Variants in FANCC observed in about 807,000 individuals in gnomAD.
FANCC encodes Fanconi anemia group C protein.
In FANCC, 55 loss-of-function variants were observed where a neutral mutation model predicts 71.3. The observed-to-expected ratio is 0.77, with a 90% CI of 0.62 to 0.97. The LOEUF (loss-of-function observed/expected upper bound fraction) is 0.97. FANCC is among the 50% of genes least tolerant of loss of function. The probability of loss-of-function intolerance (pLI) is 0.00; values close to 1 mark genes in which losing one functional copy is unlikely to be tolerated. For synonymous variants in FANCC, 275 were observed against 244.9 expected (o/e 1.12, Z -1.15); for missense variants, 678 against 670.9 (o/e 1.01, Z -0.12).
intron 4 of FANCC, among the ~76,000 whole-genome samples, chr9:95,222,749 T>C (rs1829360442): frequency 6.6e-6 from 1 of 152,232 alleles, no homozygotes; most frequent in Non-Finnish European, 1.5e-5. Flanking sequence ...AAAAGCCCAC[T>C]TATGATTCCA....
chr9:95,167,137 T>C (rs1265129720), intron 6 of FANCC, among the ~76,000 whole-genome samples: 2 of 152,172 alleles, frequency 1.3e-5, no homozygotes, highest in African/African-American at 4.8e-5. Flanking sequence ...GAATGTATCA[T>C]CCCACTCCTT....
chr9:95,144,253 A>T (rs1829205737), intron 7 of FANCC, among the ~76,000 whole-genome samples: 1 of 152,336 alleles, frequency 6.6e-6, no homozygotes, highest in South Asian at 2.1e-4. Flanking sequence ...TCCAGCTCTT[A>T]CGCCACTGCT....
chr9:95,280,429 T>TAA (rs1305156268), intron 1 of FANCC, among the ~76,000 whole-genome samples: 1 of 152,208 alleles, frequency 6.6e-6, no homozygotes, highest in Non-Finnish European at 1.5e-5. Context: ...CAACTAGATC[T>TAA]AACTTACATC....
intron 4 of FANCC, among the ~76,000 whole-genome samples, chr9:95,192,289 C>T (rs1827162903): frequency 6.6e-6 from 1 of 152,270 alleles, no homozygotes; most frequent in Non-Finnish European, 1.5e-5. Context: ...GTCACCTTCA[C>T]TTGTTCCCAG....
chr9:95,117,015 G>C (rs1564655198), intron 11 of FANCC, among the ~76,000 whole-genome samples: 1 of 152,230 alleles, frequency 6.6e-6, no homozygotes. Context: ...CTGGCATCTG[G>C]TGGATCTGGT....
intron 4 of FANCC, among the ~76,000 whole-genome samples, chr9:95,203,174 A>C (rs1827902290): frequency 6.6e-6 from 1 of 152,098 alleles, no homozygotes; most frequent in Non-Finnish European, 1.5e-5. Flanking sequence ...AAGTGGGCAG[A>C]TCACTTGAGC....
intron 6 of FANCC, among the ~76,000 whole-genome samples, chr9:95,165,300 G>A (rs1831003262): frequency 6.6e-6 from 1 of 150,866 alleles, no homozygotes; most frequent in Non-Finnish European, 1.5e-5. Flanking sequence ...TTTAGGTTTA[G>A]TTTGTTCTTT....
chr9:95,285,333 C>A (rs980668334), intron 1 of FANCC, among the ~76,000 whole-genome samples: 1 of 151,906 alleles, frequency 6.6e-6, no homozygotes, highest in African/African-American at 2.4e-5. Flanking sequence ...AAATAGAATG[C>A]CATAAATTAT....
chr9:95,195,467 T>C (rs567517495), intron 4 of FANCC, among the ~76,000 whole-genome samples: 4 of 152,116 alleles, frequency 2.6e-5, no homozygotes, highest in Admixed American at 6.5e-5. Context: ...TCTGTTCCAT[T>C]CATCTATGTG....
chr9:95,240,773 T>A (rs2136049919), intron 3 of FANCC, 30 bp from the exon 4 acceptor site: 2 of 1,307,634 alleles, frequency 1.5e-6, no homozygotes, highest in East Asian at 4.6e-5. Flanking sequence ...ATAAGTTTTA[T>A]CAAGCAGAAA....
chr9:95,252,395 A>C (rs894542840), intron 1 of FANCC, among the ~76,000 whole-genome samples: 3 of 151,988 alleles, frequency 2.0e-5, no homozygotes, highest in African/African-American at 7.2e-5. Flanking sequence ...GATATTTGGG[A>C]ACCCAGTAAA....
intron 4 of FANCC, among the ~76,000 whole-genome samples, chr9:95,173,763 A>G (rs1825840564): frequency 6.6e-6 from 1 of 152,048 alleles, no homozygotes; most frequent in South Asian, 2.1e-4. Flanking sequence ...AAAAAATACA[A>G]AAAAATTAGC....
intron 4 of FANCC, among the ~76,000 whole-genome samples, chr9:95,200,555 C>T (rs1005544012): frequency 1.3e-5 from 2 of 152,226 alleles, no homozygotes; most frequent in South Asian, 2.1e-4. Context: ...AGGACTTGAT[C>T]CAGCTCCTTC....
chr9:95,181,822 A>G (rs1826390079), intron 4 of FANCC, among the ~76,000 whole-genome samples: 1 of 152,238 alleles, frequency 6.6e-6, no homozygotes, highest in Non-Finnish European at 1.5e-5. Flanking sequence ...CATGTGTGAA[A>G]AGCCATTGAA....
chr9:95,291,904 C>T (rs564580902), intron 1 of FANCC, among the ~76,000 whole-genome samples: 25 of 140,692 alleles, frequency 1.8e-4, no homozygotes, highest in Non-Finnish European at 2.0e-4. Context: ...GCCAAGATCG[C>T]GCCACTCCAC....
At chr9:95,298,353 C>T (rs1230896342) in intron 1 of FANCC, among the ~76,000 whole-genome samples, 2 of 152,148 alleles carry the variant, frequency 1.3e-5, no homozygotes. Flanking sequence ...AAAAGATAGG[C>T]TCAGCTTAGG....
chr9:95,218,196 G>A (rs1363622711), intron 4 of FANCC, among the ~76,000 whole-genome samples: 1 of 152,214 alleles, frequency 6.6e-6, no homozygotes, highest in East Asian at 1.9e-4. Context: ...CGAGTGTGGT[G>A]GCCCATGCCT....
intron 4 of FANCC, among the ~76,000 whole-genome samples, chr9:95,210,539 C>T (rs1197941076): frequency 6.6e-6 from 1 of 152,140 alleles, no homozygotes; most frequent in Non-Finnish European, 1.5e-5. Context: ...CATACACATA[C>T]ACACTATATA....
At chr9:95,242,119 ATAAC>A (rs1371457391) in intron 3 of FANCC, among the ~76,000 whole-genome samples, 1 of 152,204 alleles carries the variant, frequency 6.6e-6, no homozygotes, top group Non-Finnish European at 1.5e-5. Flanking sequence ...TGCTTTTCCA[ATAAC>A]TAACATCTCT....
Sources: allele counts gnomAD v4.1 joint callset (sites outside exome capture counted in the v4.1 genomes callset), GRCh38; gene constraint gnomAD v4.1.1; transcripts MANE v1.5; gene names NCBI Gene and HGNC (gene_info 2026-07-23, HGNC 2026-07-21).